The following HEATR4 variants were observed in gnomAD, a reference collection of about 807,000 sequenced individuals.
HEATR4 encodes the protein HEAT repeat-containing protein 4.
Under a neutral mutation model 108.8 loss-of-function variants are expected in HEATR4, and 95 were observed. The observed-to-expected ratio is 0.87, with a 90% CI of 0.74 to 1.04. The LOEUF is 1.04. Among genes scored for constraint, HEATR4 ranks in the 50% least tolerant of loss-of-function variants. The probability of loss-of-function intolerance (pLI) is 0.00; values close to 1 mark genes in which losing one functional copy is unlikely to be tolerated. For missense variants in HEATR4, 1,152 were observed against 1,253.8 expected (o/e 0.92, Z 1.23); for synonymous variants, 443 against 459.4 (o/e 0.96, Z 0.46).
chr14:73,570,565 T>G, the HEATR4 span, among the ~76,000 whole-genome samples: 3 of 143,680 alleles, frequency 2.1e-5, no homozygotes, highest in Middle Eastern at 4.0e-3. Flanking sequence ...CGAGACTCCG[T>G]CTCAAAAAAA....
At chr14:73,527,215 A>C (rs776996095) in intron 2 of HEATR4, 2 of 152,164 alleles carry the variant, frequency 1.3e-5, no homozygotes, top group Non-Finnish European at 2.9e-5. Flanking sequence ...AAAGACTTGG[A>C]ATAAATACCT....
rs1182214464 is a variant in HEATR4 at position 73,548,936 on chromosome 14, TTCTC to T, written c.-152+9811_-152+9814del. Among the ~76,000 whole-genome samples, 146 of 113,162 alleles carry T rather than the reference TTCTC, an allele frequency of 1.3e-3. 2 individuals are homozygous for T. The highest frequency in any genetic ancestry group is 3.9e-3 in the African/African-American group (136 of 34,978). 74.2% of individuals were successfully genotyped at this position (113,162 alleles called of 152,430 possible). A position where few individuals can be genotyped will look rare whatever the true frequency, so the allele number is the denominator to read the frequency against. The stretch of plus-strand genomic sequence containing the variant: ...TTAACCTATCCATCGCCTCACATCT[TTCTC>T]TCTCTCTCTCTTTTTTTTTTTTCTG... On this transcript the variant is annotated intron_variant, in intron 1 of 17. Coordinates refer to ENST00000553558, the MANE Select transcript of HEATR4 (RefSeq NM_001220484.1).
At chr14:73,569,707 T>A in the HEATR4 span, 3 of 1,602,136 alleles carry the variant, frequency 1.9e-6, no homozygotes, top group East Asian at 2.3e-5. Flanking sequence ...GTGCGGCTGG[T>A]GAAGCGCGAC....
rs796388271 is a variant in HEATR4 at position 73,539,932 on chromosome 14, T to TC, written c.-151-9689dup. Among the ~76,000 whole-genome samples the TC allele has an allele frequency of 1.2e-4, 14 of 116,464 alleles. 3 individuals carry two copies. The highest frequency in any genetic ancestry group is 3.9e-4 in the African/African-American group (14 of 35,778). 76.4% of individuals were successfully genotyped at this position (116,464 alleles called of 152,430 possible). ...TAGCATTTACAATAGGAAAGCCTCTTCCTGTCAAATGGAAATTTGAGGTTA... is the reference window on the plus strand; with the variant it reads ...TAGCATTTACAATAGGAAAGCCTCTTCCCTGTCAAATGGAAATTTGAGGTTA... On this transcript the variant is annotated intron_variant, in intron 1 of 17. Coordinates refer to ENST00000553558, the MANE Select transcript of HEATR4 (RefSeq NM_001220484.1).
At chr14:73,526,851 T>A (rs1888370587) in intron 2 of HEATR4, among the ~76,000 whole-genome samples, 1 of 152,046 alleles carries the variant, frequency 6.6e-6, no homozygotes, top group African/African-American at 2.4e-5. Context: ...CTGCAAAGCT[T>A]CAGGTGTGAC....
Position 73,509,570 on chromosome 14 carries a change from C to T in HEATR4, c.1559-97G>A, listed in dbSNP as rs551086975. On this transcript the variant is annotated intron_variant, in intron 7 of 17. Coordinates refer to ENST00000553558, the MANE Select transcript of HEATR4 (RefSeq NM_001220484.1). ...GCCATGTGGTGGCCAACCTCAGTCC[C>T]AGCTGCAGTTGCTTAGTGCTATGTA... 897 of 1,227,284 alleles carry T rather than the reference C, an allele frequency of 7.3e-4. 8 individuals are homozygous for T. In the African/African-American group the frequency reaches 0.012, roughly 17 times the overall value. The allele number at this position is 1,227,284 out of a possible 1,614,324, so 76.0% of individuals were successfully genotyped here. A position where few individuals can be genotyped will look rare whatever the true frequency, so the allele number is the denominator to read the frequency against.
rs1566847381 is a variant in HEATR4, at chr14:73,532,619, G to A, written c.-151-2375C>T. ...GGGCTCAAGCTGCACTCAGATGGTT[G>A]GACCACCATAAAAGAGCGAGAGGGT... On this transcript the variant is annotated intron_variant, in intron 1 of 17. Coordinates refer to ENST00000553558, the MANE Select transcript of HEATR4 (RefSeq NM_001220484.1). 1.7e-5 allele frequency among the ~76,000 whole-genome samples: 2 copies of A among 115,230 alleles called. 1 individual carries two copies. Among genetic ancestry groups the A allele is most frequent in the Non-Finnish European group, 3.8e-5 (2 of 52,902 alleles). 75.6% of individuals were successfully genotyped at this position (115,230 alleles called of 152,430 possible). A position where few individuals can be genotyped will look rare whatever the true frequency, so the allele number is the denominator to read the frequency against.
the HEATR4 span, among the ~76,000 whole-genome samples, chr14:73,626,790 T>G: frequency 1.4e-4 from 8 of 57,314 alleles, no homozygotes; most frequent in African/African-American, 2.7e-4. Flanking sequence ...ACAAACAGCC[T>G]TTTTTTTTTT....
At chr14:73,553,241 TCAC>T (rs1444754359) in intron 1 of HEATR4, among the ~76,000 whole-genome samples, 1 of 114,806 alleles carries the variant, frequency 8.7e-6, no homozygotes, top group African/African-American at 2.8e-5. Flanking sequence ...GCATGGTGGC[TCAC>T]ACCTGTAATC....
chr14:73,590,063 T>C, the HEATR4 span, among the ~76,000 whole-genome samples: 71 of 152,212 alleles, frequency 4.7e-4, no homozygotes, highest in African/African-American at 1.6e-3. Flanking sequence ...CAAAACTAAA[T>C]AGAACAAACC....
chr14:73,608,780 T>A, the HEATR4 span, among the ~76,000 whole-genome samples: 2 of 152,150 alleles, frequency 1.3e-5, no homozygotes, highest in African/African-American at 4.8e-5. Context: ...TGAGATGGGA[T>A]AATTTACGAA....
At chr14:73,530,794 ATTTTTTTTTTTTT>A (rs59208614) in intron 1 of HEATR4, among the ~76,000 whole-genome samples, 1 of 57,788 alleles carries the variant, frequency 1.7e-5, no homozygotes, top group African/African-American at 6.7e-5. Flanking sequence ...TCTCGGTTAA[ATTTTTTTTTTTTT>A]TTTTTTTTTT....
At chr14:73,518,748 C>A (rs1289771378) in intron 5 of HEATR4, among the ~76,000 whole-genome samples, 2 of 152,128 alleles carry the variant, frequency 1.3e-5, no homozygotes, top group Non-Finnish European at 2.9e-5. Flanking sequence ...ATAGGAGCTG[C>A]CTTATTGGTA....
Position 73,478,572 on chromosome 14 carries a change from C to A in HEATR4, c.*34G>T, listed in dbSNP as rs967817569. The A allele has an allele frequency of 2.8e-6, 4 of 1,432,382 alleles. No individual in the cohort carries two copies. The highest frequency in any genetic ancestry group is 3.9e-6 in the Non-Finnish European group (4 of 1,018,374). The allele number at this position is 1,432,382 out of a possible 1,614,324, so 88.7% of individuals were successfully genotyped here. A position where few individuals can be genotyped will look rare whatever the true frequency, so the allele number is the denominator to read the frequency against. On this transcript the variant is annotated 3_prime_UTR_variant, in exon 18 of 18. Coordinates refer to ENST00000553558, the MANE Select transcript of HEATR4 (RefSeq NM_001220484.1). ...AGACCCAATGTGACCAGGTCCACTGCTTCCTGCATCTTGAAGTAAGACAAG... is the reference window on the plus strand; with the variant it reads ...AGACCCAATGTGACCAGGTCCACTGATTCCTGCATCTTGAAGTAAGACAAG...
the HEATR4 span, among the ~76,000 whole-genome samples, chr14:73,627,890 C>T: frequency 2.6e-5 from 4 of 151,910 alleles, no homozygotes; most frequent in African/African-American, 9.7e-5. Flanking sequence ...TTCACTGCAA[C>T]TTCCGTCTCC....
the HEATR4 span, among the ~76,000 whole-genome samples, chr14:73,576,010 A>G: frequency 2.0e-5 from 3 of 151,842 alleles, no homozygotes; most frequent in African/African-American, 2.4e-5. Flanking sequence ...AAAATTAGCC[A>G]GGCGTGGTGG....
Position 73,514,085 on chromosome 14 carries a change from C to G in HEATR4, c.1360G>C (p.Glu454Gln), listed in dbSNP as rs1229991425. The G allele has an allele frequency of 6.2e-7, 1 of 1,614,216 alleles. No homozygotes were observed. The highest frequency in any genetic ancestry group is 2.2e-5 in the East Asian group (1 of 44,888). Reference sequence around the variant, plus strand: ...AGCATCCTCCGCAGGACCACCAGTTCCCAGGTCACATCCTCCTGCAGTGAT... The same window carrying G: ...AGCATCCTCCGCAGGACCACCAGTTGCCAGGTCACATCCTCCTGCAGTGAT... ...AKSLQEDVTW[E>Q]LVVLRRMLKE... The change falls in exon 6 of 18, where the codon GAA (glutamate) becomes CAA (glutamine). Residue 454 changes from glutamate (E) to glutamine (Q), a missense_variant. Physicochemically the swap from Glu to Gln is conservative, Grantham distance 29. Coordinates refer to ENST00000553558, the MANE Select transcript of HEATR4 (RefSeq NM_001220484.1).
chr14:73,612,667 C>T, the HEATR4 span: 2 of 1,412,670 alleles, frequency 1.4e-6, no homozygotes, highest in Non-Finnish European at 1.8e-6. Context: ...AGCAGCCAGT[C>T]ACGCTGCGCA....
the HEATR4 span, among the ~76,000 whole-genome samples, chr14:73,583,125 C>T: frequency 2.6e-5 from 4 of 151,768 alleles, no homozygotes; most frequent in South Asian, 2.1e-4. Flanking sequence ...GGGCGGATCA[C>T]GAGGTCAGGA....
Sources: gnomAD v4.1 joint callset for allele counts (sites outside exome capture counted in the v4.1 genomes callset) on GRCh38, gnomAD v4.1.1 for gene constraint, MANE v1.5 for transcripts, NCBI Gene and HGNC (gene_info 2026-07-23, HGNC 2026-07-21) for gene names.